The following CACNA1C variants were observed in gnomAD, a reference collection of about 807,000 sequenced individuals.
CACNA1C encodes voltage-dependent L-type calcium channel subunit alpha-1C.
CACNA1C carries 30 observed loss-of-function variants against 229.0 expected under a neutral mutation model. The ratio of observed to expected loss-of-function variants is 0.13; its 90% CI spans 0.10 to 0.18. The LOEUF (loss-of-function observed/expected upper bound fraction) is 0.18. CACNA1C is among the 10% of genes least tolerant of loss of function. The pLI is 1.00. For missense variants in CACNA1C, 1,658 were observed against 2,845.0 expected, an observed-to-expected ratio of 0.58 and a Z score of 9.49; for synonymous variants, 1,114 against 1,132.5, an observed-to-expected ratio of 0.98 and a Z score of 0.33.
chr12:1,975,124 GTTTC>G (rs895704590), intron 1 of CACNA1C, among the ~76,000 whole-genome samples: 62 of 152,232 alleles, frequency 4.1e-4, no homozygotes, highest in African/African-American at 7.2e-4. Flanking sequence ...AAAAGTCAGA[GTTTC>G]TTTATTTTTT....
chr12:2,363,848 C>G (rs1440004917), intron 3 of CACNA1C, among the ~76,000 whole-genome samples: 1 of 152,194 alleles, frequency 6.6e-6, no homozygotes, highest in Non-Finnish European at 1.5e-5. Flanking sequence ...GTCAGTGAAG[C>G]ACAGTTTGGA....
intron 3 of CACNA1C, among the ~76,000 whole-genome samples, chr12:2,156,936 A>G (rs754424397): frequency 6.6e-6 from 1 of 152,252 alleles, no homozygotes; most frequent in Non-Finnish European, 1.5e-5. Context: ...TAGATGGACA[A>G]GTAGTAACAG....
chr12:2,099,381 G>A (rs2075502555), intron 1 of CACNA1C, among the ~76,000 whole-genome samples: 2 of 152,064 alleles, frequency 1.3e-5, no homozygotes, highest in Admixed American at 1.3e-4. Flanking sequence ...CGGCTGCCGA[G>A]AGGTGTGCTG....
Position 2,399,137 on chromosome 12 carries a change from G to A in CACNA1C, c.478-49839G>A, listed in dbSNP as rs59654680. Among the ~76,000 whole-genome samples the A allele has an allele frequency of 3.2e-3, 490 of 152,260 alleles. 3 individuals carry two copies. The highest frequency in any genetic ancestry group is 0.011 in the African/African-American group (470 of 41,552). ...GCAGGTGAGTGGGTGCAGGAGGCAGGGCAAGTGCTCTTGGGCTTTGGCAGG... is the reference window on the plus strand; with the variant it reads ...GCAGGTGAGTGGGTGCAGGAGGCAGAGCAAGTGCTCTTGGGCTTTGGCAGG... On this transcript the variant is annotated intron_variant, in intron 3 of 46. Coordinates refer to ENST00000399655, the MANE Select transcript of CACNA1C (RefSeq NM_000719.7).
At chr12:2,004,422 C>T (rs778342635) in intron 1 of CACNA1C, 11 of 1,609,396 alleles carry the variant, frequency 6.8e-6, no homozygotes, top group East Asian at 4.5e-5. Flanking sequence ...CCTGCCGCCA[C>T]GGCTGCCATC....
At chr12:2,241,418 T>TC (rs1341983463) in intron 3 of CACNA1C, among the ~76,000 whole-genome samples, 1 of 151,746 alleles carries the variant, frequency 6.6e-6, no homozygotes, top group Non-Finnish European at 1.5e-5. Context: ...TTTTTATGCC[T>TC]CCCCCCTTGT....
At position 2,410,084 on chromosome 12, in the gene CACNA1C, G is replaced by A. The variant is rs1174402254; in HGVS notation, c.478-38892G>A. Among the ~76,000 whole-genome samples, 1 of 152,214 alleles carries A rather than the reference G, an allele frequency of 6.6e-6. No homozygotes were observed. Among genetic ancestry groups the A allele is most frequent in the Non-Finnish European group, 1.5e-5 (1 of 68,040 alleles). ...GCCAGCCGCGGGCCTCAGCAAGCTG[G>A]CAGCTTCGTCCTCTCAGACTGTGGG... On this transcript the variant is annotated intron_variant, in intron 3 of 46. Coordinates refer to ENST00000399655, the MANE Select transcript of CACNA1C (RefSeq NM_000719.7). This position sits in a 1 kb window ranked among gnomAD's most constrained non-coding sequence, Gnocchi z 5.3.
intron 3 of CACNA1C, among the ~76,000 whole-genome samples, chr12:2,168,984 G>A (rs1050922947): frequency 1.3e-5 from 2 of 152,172 alleles, no homozygotes; most frequent in Non-Finnish European, 2.9e-5. Flanking sequence ...GTGAGTCAGA[G>A]ACTGTGATGA....
chr12:2,056,695 T>A (rs2055062677), intron 1 of CACNA1C, among the ~76,000 whole-genome samples: 1 of 152,210 alleles, frequency 6.6e-6, no homozygotes, highest in Non-Finnish European at 1.5e-5. Flanking sequence ...TAAAGAAAGC[T>A]GTGGCAATAG....
intron 3 of CACNA1C, among the ~76,000 whole-genome samples, chr12:2,430,889 C>T (rs138573675): frequency 2.0e-5 from 3 of 152,106 alleles, no homozygotes; most frequent in Non-Finnish European, 4.4e-5. Context: ...CTGAGCCTCC[C>T]ACCCAGGAAA....
intron 13 of CACNA1C, 111 bp downstream of exon 13, chr12:2,567,905 G>C (rs2052062789): frequency 3.2e-6 from 2 of 633,080 alleles, no homozygotes; most frequent in Non-Finnish European, 5.6e-6. Flanking sequence ...TCCTCAAAGG[G>C]TGTCTCTGAA....
intron 9 of CACNA1C, among the ~76,000 whole-genome samples, chr12:2,524,314 G>A (rs1274890307): frequency 1.3e-5 from 2 of 152,232 alleles, no homozygotes; most frequent in Admixed American, 6.5e-5. Flanking sequence ...CACCGTCTCT[G>A]TCCTAAGGGG....
At chr12:2,421,439 A>G (rs1323039537) in intron 3 of CACNA1C, among the ~76,000 whole-genome samples, 1 of 152,216 alleles carries the variant, frequency 6.6e-6, no homozygotes. Context: ...TGAGGGACAA[A>G]TGGGATTCAC....
intron 1 of CACNA1C, among the ~76,000 whole-genome samples, chr12:2,083,642 T>C (rs536934956): frequency 2.0e-5 from 3 of 152,250 alleles, no homozygotes; most frequent in African/African-American, 7.2e-5. Context: ...AAGAAAATGC[T>C]GTGTAAACTT....
At chr12:2,681,934 G>C (rs1603453248) in intron 42 of CACNA1C, 1 of 1,433,378 alleles carries the variant, frequency 7.0e-7, no homozygotes, top group Non-Finnish European at 9.8e-7. Flanking sequence ...AAGATGACCT[G>C]ACCCTGTCCC....
intron 5 of CACNA1C, among the ~76,000 whole-genome samples, chr12:2,480,978 T>C (rs1567939791): frequency 1.3e-5 from 2 of 152,142 alleles, no homozygotes; most frequent in African/African-American, 4.8e-5. Flanking sequence ...ACTCAAAATA[T>C]GAATTCAAAA....
intron 45 of CACNA1C, among the ~76,000 whole-genome samples, chr12:2,687,268 AT>A (rs1323409889): frequency 6.6e-6 from 1 of 152,188 alleles, no homozygotes; most frequent in African/African-American, 2.4e-5. Context: ...ATCTTAAAAG[AT>A]TTCTAGAAGT....
chr12:2,343,601 C>T (rs994665441), intron 3 of CACNA1C, among the ~76,000 whole-genome samples: 1 of 152,114 alleles, frequency 6.6e-6, no homozygotes, highest in African/African-American at 2.4e-5. Context: ...TTATCTGTAG[C>T]CCTAATACCA....
rs904518228 is a variant in CACNA1C at position 2,372,771 on chromosome 12, G to A, written c.478-76205G>A. Among the ~76,000 whole-genome samples the A allele has an allele frequency of 3.9e-5, 6 of 152,304 alleles. No individual in the cohort carries two copies. In the South Asian group the frequency reaches 1.0e-3, roughly 26 times the overall value. On this transcript the variant is annotated intron_variant, in intron 3 of 46. Coordinates refer to ENST00000399655, the MANE Select transcript of CACNA1C (RefSeq NM_000719.7). ...TAGCCTGCCCCCTGGCATGTTCCTT[G>A]AGGCCTGTCCATCTGGCCTGGCTGG... is the stretch of plus-strand genomic sequence containing the variant.
Sources: gnomAD v4.1 joint callset for allele counts (sites outside exome capture counted in the v4.1 genomes callset) on GRCh38, gnomAD v4.1.1 for gene constraint, Gnocchi (gnomAD v3.1) non-coding constraint, MANE v1.5 for transcripts, NCBI Gene and HGNC (gene_info 2026-07-23, HGNC 2026-07-21) for gene names.